PNPLA5: variants seen among roughly 807,000 people sequenced by gnomAD.
PNPLA5 encodes the protein patatin-like phospholipase domain-containing protein 5.
Under a neutral mutation model 49.1 loss-of-function variants are expected in PNPLA5, and 44 were observed. The ratio of observed to expected loss-of-function variants is 0.90; its 90% CI spans 0.70 to 1.15. PNPLA5 has a LOEUF of 1.15. Among genes scored for constraint, PNPLA5 ranks in the 50% most tolerant of loss-of-function variants. The pLI is 0.00. For synonymous variants in PNPLA5, 243 were observed against 244.4 expected (o/e 0.99, Z 0.06); for missense variants, 603 against 564.0 (o/e 1.07, Z -0.70).
chr22:43,885,138 C>G (rs543496012), intron 6 of PNPLA5, among the ~76,000 whole-genome samples: 1 of 152,238 alleles, frequency 6.6e-6, no homozygotes, highest in Non-Finnish European at 1.5e-5. Context: ...GCGCAGCGCC[C>G]AGGAGTTGGT....
intron 1 of PNPLA5, 41 bp downstream of exon 1, chr22:43,891,647 G>T (rs1262413077): frequency 6.7e-6 from 10 of 1,502,368 alleles, no homozygotes; most frequent in Non-Finnish European, 8.8e-6. Context: ...CTTTCATTAA[G>T]CTGTCCCCGC....
At chr22:43,881,074 C>T in intron 8 of PNPLA5, 189 bp from the exon 9 acceptor site, 1 of 807,572 alleles carries the variant, frequency 1.2e-6, no homozygotes, top group South Asian at 5.6e-5. Flanking sequence ...TGGCCACTCC[C>T]CAGAGAACTG....
intron 7 of PNPLA5, 138 bp from the exon 8 acceptor site, chr22:43,881,812 A>G (rs2049613705): frequency 7.0e-7 from 1 of 1,421,862 alleles, no homozygotes; most frequent in Admixed American, 2.7e-5. Flanking sequence ...AAGGGCCAGC[A>G]GCGTTGGCCA....
At chr22:43,886,185 C>T (rs1052252736) in intron 6 of PNPLA5, 118 bp downstream of exon 6, 12 of 1,142,826 alleles carry the variant, frequency 1.1e-5, no homozygotes, top group African/African-American at 1.6e-5. Context: ...TTAGTAGGTG[C>T]TCAGTAAATG....
At position 43,891,672 on chromosome 22, in the gene PNPLA5, G is replaced by C; in HGVS notation, c.193+16C>G. The stretch of plus-strand genomic sequence containing the variant: ...GCTGTCCCCGCCCCTTTTCGCCCCC[G>C]CGGTCCGGGACTCACCGACCGACTT... On this transcript the variant is annotated intron_variant, in intron 1 of 8. Transcript: ENST00000216177. The C allele has an allele frequency of 6.5e-7, 1 of 1,526,840 alleles. No homozygotes were observed. The highest frequency in any genetic ancestry group is 8.8e-7 in the Non-Finnish European group (1 of 1,139,936). The allele number at this position is 1,526,840 out of a possible 1,614,324, so 94.6% of individuals were successfully genotyped here.
rs1324684810 is a variant in PNPLA5, at chr22:43,880,679, G to A, written c.*116C>T. 16 of 1,039,114 alleles carry A rather than the reference G, an allele frequency of 1.5e-5. No homozygotes were observed. Among genetic ancestry groups the A allele is most frequent in the Non-Finnish European group, 2.0e-5 (16 of 807,734 alleles). 64.4% of individuals were successfully genotyped at this position (1,039,114 alleles called of 1,614,324 possible). ...CAAGGAACGGGCTCCAAGCTGCAGG[G>A]TCTCCACGGAGATTGGCAGGGCCTC... On this transcript the variant is annotated 3_prime_UTR_variant, in exon 9 of 9. Coordinates refer to ENST00000216177, the MANE Select transcript of PNPLA5 (RefSeq NM_138814.4).
chr22:43,890,073 T>C, intron 2 of PNPLA5: 1 of 985,290 alleles, frequency 1.0e-6, no homozygotes, highest in South Asian at 4.7e-5. Flanking sequence ...ACCTCCTCTT[T>C]CTGTGGGTGT....
At position 43,891,091 on chromosome 22, in the gene PNPLA5, C is replaced by T. The variant is rs1478407333; in HGVS notation, c.397G>A (p.Asp133Asn). 1 of 1,611,188 alleles carries T rather than the reference C, an allele frequency of 6.2e-7. No homozygotes were observed. The highest frequency in any genetic ancestry group is 1.3e-5 in the African/African-American group (1 of 75,030). The change falls in exon 2 of 9, where the codon GAC (aspartate) becomes AAC (asparagine). Residue 133 changes from aspartate (D) to asparagine (N), a missense_variant. Transcript: ENST00000216177. ...ATGAGCTCATCGCAGGTGGCGAAGT[C>T]AGTGACCAAGAAGTTGCGTCCGTCA... is the stretch of plus-strand genomic sequence containing the variant. ...WPDGRNFLVT[D>N]FATCDELIQA... is the part of the protein sequence containing the mutation.
At chr22:43,882,537 C>T (rs1323409248) in intron 7 of PNPLA5, among the ~76,000 whole-genome samples, 1 of 152,248 alleles carries the variant, frequency 6.6e-6, no homozygotes, top group Non-Finnish European at 1.5e-5. Context: ...CTCTGGACCT[C>T]CTGCCTCTAT....
chr22:43,884,100 T>TG, intron 7 of PNPLA5, 113 bp downstream of exon 7: 2 of 867,266 alleles, frequency 2.3e-6, no homozygotes, highest in East Asian at 2.9e-5. Context: ...CCAGCCGGGC[T>TG]CCCCCCACCC....
At position 43,880,806 on chromosome 22, in the gene PNPLA5, G is replaced by A. The variant is rs1160979102; in HGVS notation, c.1279C>T (p.His427Tyr). 1.5e-6 allele frequency: 2 copies of A among 1,339,152 alleles called. No individual in the cohort carries two copies. The highest frequency in any genetic ancestry group is 2.1e-4 in the Middle Eastern group (1 of 4,808). The allele number at this position is 1,339,152 out of a possible 1,614,324, so 83.0% of individuals were successfully genotyped here. ...APHREELGPT[H>Y]QA ...CCTGCTCGGCCCCCTCAGGCCTGGT[G>A]GGTGGGCCCGAGCTCCTCTCTATGA... The change falls in exon 9 of 9, where the codon CAC becomes TAC. Residue 427 changes from histidine to tyrosine, a missense_variant. Transcript: ENST00000216177.
At chr22:43,889,097 C>T (rs2049695593) in intron 4 of PNPLA5, among the ~76,000 whole-genome samples, 1 of 152,224 alleles carries the variant, frequency 6.6e-6, no homozygotes, top group Non-Finnish European at 1.5e-5. Context: ...GTGAGTGTGT[C>T]CCATTGACAT....
At chr22:43,887,905 C>G (rs754015124) in intron 4 of PNPLA5, among the ~76,000 whole-genome samples, 53 of 152,358 alleles carry the variant, frequency 3.5e-4, no homozygotes, top group African/African-American at 5.1e-4. Context: ...CATCTCCCCC[C>G]TGAGACACCC....
At chr22:43,881,819 G>C in intron 7 of PNPLA5, 145 bp from the exon 8 acceptor site, 1 of 1,416,782 alleles carries the variant, frequency 7.1e-7, no homozygotes, top group Non-Finnish European at 9.3e-7. Flanking sequence ...AGCAGCGTTG[G>C]CCACTGTTGC....
At chr22:43,889,901 A>G in intron 2 of PNPLA5, 37 bp from the exon 3 acceptor site, 2 of 1,608,828 alleles carry the variant, frequency 1.2e-6, no homozygotes, top group Non-Finnish European at 1.7e-6. Context: ...ACAACTGTGC[A>G]TGCTTCTTGC....
intron 2 of PNPLA5, 113 bp downstream of exon 2, chr22:43,890,949 C>T: frequency 2.9e-6 from 4 of 1,365,804 alleles, no homozygotes; most frequent in Non-Finnish European, 4.0e-6. Context: ...GGTCCACCCG[C>T]CCTCCCTCCT....
intron 2 of PNPLA5, among the ~76,000 whole-genome samples, chr22:43,890,598 C>T (rs749990774): frequency 2.6e-5 from 4 of 152,134 alleles, no homozygotes; most frequent in South Asian, 4.1e-4. Context: ...TTATCGATAC[C>T]GCCTGCCCCC....
chr22:43,882,469 T>C (rs2049620581), intron 7 of PNPLA5, among the ~76,000 whole-genome samples: 1 of 152,240 alleles, frequency 6.6e-6, no homozygotes, highest in South Asian at 2.1e-4. Flanking sequence ...AAACTAGGCA[T>C]GCAGTCCAGA....
chr22:43,888,371 AGTGTGTGTGT>A lies in PNPLA5; in HGVS notation c.703-730_703-721del, dbSNP rs35343347. On this transcript the variant is annotated intron_variant, in intron 4 of 8. Coordinates refer to ENST00000216177, the MANE Select transcript of PNPLA5 (RefSeq NM_138814.4). Reference sequence around the variant, plus strand: ...AGCCAGGATGTGGATGGGGCAGAGGAGTGTGTGTGTGTGTGTGTGTGTGTGTGTGTGTGTG... The same window carrying A: ...AGCCAGGATGTGGATGGGGCAGAGGAGTGTGTGTGTGTGTGTGTGTGTGTG... 4.1e-3 allele frequency among the ~76,000 whole-genome samples: 459 copies of A among 112,986 alleles called. 1 individual carries two copies. The highest frequency in any genetic ancestry group is 0.011 in the East Asian group (49 of 4,368). 74.1% of individuals were successfully genotyped at this position (112,986 alleles called of 152,430 possible). A position where few individuals can be genotyped will look rare whatever the true frequency, so the allele number is the denominator to read the frequency against.
Sources: allele counts gnomAD v4.1 joint callset (sites outside exome capture counted in the v4.1 genomes callset), GRCh38; gene constraint gnomAD v4.1.1; transcripts MANE v1.5; gene names NCBI Gene and HGNC (gene_info 2026-07-23, HGNC 2026-07-21).